CAPSL: variants seen among roughly 807,000 people sequenced by gnomAD.
CAPSL encodes the protein calcyphosin-like protein.
A neutral mutation model predicts 21.3 loss-of-function variants in CAPSL; 17 were observed. That is an observed-to-expected ratio of 0.80 (90% CI 0.55 to 1.20). The LOEUF is 1.20. CAPSL is among the 50% of genes most tolerant of loss of function. The probability of loss-of-function intolerance (pLI) is 0.00; values close to 1 mark genes in which losing one functional copy is unlikely to be tolerated. For missense variants in CAPSL, 289 were observed against 259.3 expected, an observed-to-expected ratio of 1.11 and a Z score of -0.79; for synonymous variants, 102 against 89.3, an observed-to-expected ratio of 1.14 and a Z score of -0.80.
intron 1 of CAPSL, among the ~76,000 whole-genome samples, chr5:35,925,230 C>T (rs770952643): frequency 5.9e-5 from 9 of 152,322 alleles, no homozygotes; most frequent in Middle Eastern, 3.4e-3. Flanking sequence ...ACGCTTACAG[C>T]CTGGGGGCTG....
intron 1 of CAPSL, among the ~76,000 whole-genome samples, chr5:35,931,572 C>A (rs1312525343): frequency 1.3e-5 from 2 of 152,130 alleles, no homozygotes; most frequent in Non-Finnish European, 2.9e-5. Flanking sequence ...TCTTCTCCAT[C>A]TTGCTTTTTT....
rs754098152 is a variant in CAPSL at position 35,919,170 on chromosome 5, A to AAAAATATAT, written c.137+1813_137+1814insATATATTTT. Among the ~76,000 whole-genome samples the AAAAATATAT allele has an allele frequency of 1.3e-3, 162 of 121,264 alleles. 1 individual carries two copies. Among genetic ancestry groups the AAAAATATAT allele is most frequent in the East Asian group, 7.5e-3 (34 of 4,558 alleles). 79.6% of individuals were successfully genotyped at this position (121,264 alleles called of 152,430 possible). A position where few individuals can be genotyped will look rare whatever the true frequency, so the allele number is the denominator to read the frequency against. On this transcript the variant is annotated intron_variant, in intron 2 of 4. Transcript: ENST00000651391. ...AGTATCTTTCCTGATTAAAAAAAAA[A>AAAAATATAT]ATATATATATATATATATATAAAAA...
chr5:35,912,515 C>T (rs928004505), intron 2 of CAPSL, among the ~76,000 whole-genome samples: 5 of 152,158 alleles, frequency 3.3e-5, no homozygotes, highest in African/African-American at 1.2e-4. Context: ...GACAAAACTT[C>T]CAGAGGAACA....
At chr5:35,925,264 G>A (rs984768083) in intron 1 of CAPSL, among the ~76,000 whole-genome samples, 2 of 152,202 alleles carry the variant, frequency 1.3e-5, no homozygotes, top group African/African-American at 2.4e-5. Flanking sequence ...ATCACAAGAG[G>A]ACGGGAGGCT....
chr5:35,925,244 AG>A (rs1373452881), intron 1 of CAPSL, among the ~76,000 whole-genome samples: 2 of 152,184 alleles, frequency 1.3e-5, no homozygotes, highest in African/African-American at 4.8e-5. Flanking sequence ...GGGGCTGAGC[AG>A]GGGATGCAAT....
At chr5:35,905,492 T>G (rs930632676) in intron 4 of CAPSL, among the ~76,000 whole-genome samples, 1 of 152,206 alleles carries the variant, frequency 6.6e-6, no homozygotes, top group Admixed American at 6.5e-5. Context: ...GATCCACAGT[T>G]GTCTTTCATA....
intron 2 of CAPSL, among the ~76,000 whole-genome samples, chr5:35,914,459 G>T (rs1044416211): frequency 6.6e-6 from 1 of 152,176 alleles, no homozygotes; most frequent in African/African-American, 2.4e-5. Context: ...ATAATTGGAA[G>T]TAAAACACTC....
chr5:35,936,381 C>T (rs752077402), intron 1 of CAPSL, among the ~76,000 whole-genome samples: 2 of 152,074 alleles, frequency 1.3e-5, no homozygotes, highest in African/African-American at 2.4e-5. Context: ...CGCTGTGGTC[C>T]CTCAGTCCTG....
chr5:35,925,310 T>TCC (rs369584640), intron 1 of CAPSL, among the ~76,000 whole-genome samples: 210 of 152,260 alleles, frequency 1.4e-3, no homozygotes, highest in African/African-American at 4.7e-3. Context: ...TGAGGACCTC[T>TCC]CAGAGGAGGT....
chr5:35,925,737 G>A (rs1214934460), intron 1 of CAPSL, among the ~76,000 whole-genome samples: 3 of 152,008 alleles, frequency 2.0e-5, no homozygotes, highest in African/African-American at 7.2e-5. Context: ...TTAAAAAACA[G>A]GAGACCACAA....
Position 35,910,354 on chromosome 5 carries a change from G to A in CAPSL, c.315+12C>T, listed in dbSNP as rs752797164. 6.2e-6 allele frequency: 10 copies of A among 1,610,068 alleles called. No individual in the cohort carries two copies. The African/African-American group carries it at 1.1e-4, about 17-fold the overall frequency. ...AAACTCAGCAGATACACTGATTAAT[G>A]GGGCCACTTACTCTTAATGTGAGAA... On this transcript the variant is annotated intron_variant, in intron 3 of 4. Transcript: ENST00000651391.
chr5:35,933,167 A>AT (rs894538548), intron 1 of CAPSL, among the ~76,000 whole-genome samples: 9 of 152,220 alleles, frequency 5.9e-5, no homozygotes, highest in Non-Finnish European at 8.8e-5. Flanking sequence ...TATGCAAAAG[A>AT]TAAGAACAAC....
At chr5:35,918,249 C>T (rs1413842568) in intron 2 of CAPSL, among the ~76,000 whole-genome samples, 1 of 152,178 alleles carries the variant, frequency 6.6e-6, no homozygotes, top group Non-Finnish European at 1.5e-5. Context: ...AAATGTGGCA[C>T]ACATACACCA....
At chr5:35,907,615 G>A (rs1159250215) in intron 4 of CAPSL, among the ~76,000 whole-genome samples, 1 of 152,154 alleles carries the variant, frequency 6.6e-6, no homozygotes, top group East Asian at 1.9e-4. Flanking sequence ...CAAGATTTAT[G>A]ACATCAAATT....
intron 2 of CAPSL, among the ~76,000 whole-genome samples, chr5:35,914,306 A>G (rs1738312178): frequency 6.6e-6 from 1 of 152,224 alleles, no homozygotes; most frequent in African/African-American, 2.4e-5. Flanking sequence ...TCAACGAGAC[A>G]GAAAGTTAAC....
chr5:35,927,100 G>C (rs1738704394), intron 1 of CAPSL, among the ~76,000 whole-genome samples: 1 of 152,222 alleles, frequency 6.6e-6, no homozygotes, highest in Non-Finnish European at 1.5e-5. Context: ...CGCTGGCAGG[G>C]ATGTGCAGTC....
intron 2 of CAPSL, among the ~76,000 whole-genome samples, chr5:35,914,014 A>G (rs1580883516): frequency 6.6e-6 from 1 of 152,188 alleles, no homozygotes; most frequent in Non-Finnish European, 1.5e-5. Context: ...ATGGAGGAAG[A>G]TCTACCAAGC....
At chr5:35,921,212 T>G (rs1183287919) in intron 1 of CAPSL, 92 bp from the exon 2 acceptor site, 1 of 1,443,426 alleles carries the variant, frequency 6.9e-7, no homozygotes, top group Non-Finnish European at 9.3e-7. Context: ...AGAAGGAAAT[T>G]TACAGCCTTC....
intron 2 of CAPSL, among the ~76,000 whole-genome samples, chr5:35,916,562 T>A (rs539789207): frequency 6.6e-6 from 1 of 152,204 alleles, no homozygotes. Flanking sequence ...TAATGCCACA[T>A]ATCTACAACT....
Sources: gnomAD v4.1 joint callset for allele counts (sites outside exome capture counted in the v4.1 genomes callset) on GRCh38, gnomAD v4.1.1 for gene constraint, MANE v1.5 for transcripts, NCBI Gene and HGNC (gene_info 2026-07-23, HGNC 2026-07-21) for gene names.